The following AUTS2 variants were observed in gnomAD, a reference collection of about 807,000 sequenced individuals.
AUTS2 encodes the protein autism susceptibility gene 2 protein.
In AUTS2, 17 loss-of-function variants were observed where a neutral mutation model predicts 112.4. The observed-to-expected ratio is 0.15, with a 90% CI of 0.10 to 0.23. AUTS2 has a LOEUF of 0.23. Among genes scored for constraint, AUTS2 ranks in the 10% least tolerant of loss-of-function variants. The probability of loss-of-function intolerance (pLI) is 1.00; values close to 1 mark genes in which losing one functional copy is unlikely to be tolerated. For synonymous variants in AUTS2, 751 were observed against 702.7 expected (o/e 1.07, Z -1.09); for missense variants, 1,510 against 1,701.6 (o/e 0.89, Z 1.98).
At chr7:69,795,814 A>G (rs78896819) in intron 1 of AUTS2, among the ~76,000 whole-genome samples, 1 of 152,208 alleles carries the variant, frequency 6.6e-6, no homozygotes, top group Non-Finnish European at 1.5e-5. Context: ...TGCTGGGTAC[A>G]GGAGGCAGAA....
chr7:70,237,263 A>G (rs1366386491), intron 4 of AUTS2, among the ~76,000 whole-genome samples: 1 of 152,218 alleles, frequency 6.6e-6, no homozygotes, highest in East Asian at 1.9e-4. Flanking sequence ...TGAACCTTGC[A>G]TCTCCTAGTT....
chr7:70,678,739 C>G lies in AUTS2; in HGVS notation c.691-19830C>G, dbSNP rs944382850. Among the ~76,000 whole-genome samples, 6 of 152,174 alleles carry G rather than the reference C, an allele frequency of 3.9e-5. No individual in the cohort carries two copies. The East Asian group carries it at 1.2e-3, about 29-fold the overall frequency. ...AGGCTCACCACCAAAGCAGGCCTTC[C>G]TTTTTCCCTTAGTCTAAATTTTATT... On this transcript the variant is annotated intron_variant, in intron 5 of 18. Transcript: ENST00000342771.
intron 5 of AUTS2, among the ~76,000 whole-genome samples, chr7:70,638,834 C>T (rs1391476835): frequency 6.6e-6 from 1 of 152,136 alleles, no homozygotes; most frequent in Non-Finnish European, 1.5e-5. Context: ...GCTTAAATCT[C>T]GGTCCATTGT....
chr7:69,793,423 A>G (rs1789704566), intron 1 of AUTS2, among the ~76,000 whole-genome samples: 1 of 152,224 alleles, frequency 6.6e-6, no homozygotes, highest in Non-Finnish European at 1.5e-5. Flanking sequence ...TTCTCCATCT[A>G]TCCTGTCTTT....
intron 2 of AUTS2, among the ~76,000 whole-genome samples, chr7:69,993,007 G>A (rs940545732): frequency 1.3e-5 from 2 of 152,168 alleles, no homozygotes; most frequent in African/African-American, 4.8e-5. Context: ...AATATTATTG[G>A]TTTAAGAGTC....
chr7:70,004,648 C>G (rs1799459160), intron 2 of AUTS2, among the ~76,000 whole-genome samples: 1 of 150,886 alleles, frequency 6.6e-6, no homozygotes, highest in African/African-American at 2.4e-5. Context: ...TGAGTTTTGG[C>G]CGACTTAGAG....
At chr7:70,525,169 T>G (rs1453648527) in intron 5 of AUTS2, among the ~76,000 whole-genome samples, 1 of 152,218 alleles carries the variant, frequency 6.6e-6, no homozygotes, top group Non-Finnish European at 1.5e-5. Flanking sequence ...GGGCCTTACC[T>G]TCCTCCTGAG....
intron 6 of AUTS2, among the ~76,000 whole-genome samples, chr7:70,734,068 C>T (rs955315632): frequency 3.3e-5 from 5 of 152,196 alleles, no homozygotes; most frequent in Admixed American, 2.0e-4. Flanking sequence ...AGAGCAAGGG[C>T]CTTGATTCTC....
intron 3 of AUTS2, among the ~76,000 whole-genome samples, chr7:70,121,741 A>G (rs1805692135): frequency 6.6e-6 from 1 of 152,194 alleles, no homozygotes; most frequent in African/African-American, 2.4e-5. Flanking sequence ...GGAATGTAAA[A>G]TGACGCAGCC....
intron 6 of AUTS2, among the ~76,000 whole-genome samples, chr7:70,761,799 G>C (rs1585643499): frequency 1.3e-5 from 2 of 152,186 alleles, no homozygotes; most frequent in East Asian, 3.9e-4. Flanking sequence ...CACGATTGTA[G>C]AATTTCACTT....
intron 1 of AUTS2, among the ~76,000 whole-genome samples, chr7:69,612,977 G>A (rs1357657920): frequency 6.6e-6 from 1 of 152,038 alleles, no homozygotes; most frequent in Non-Finnish European, 1.5e-5. Context: ...TTTACTATTC[G>A]CCTTGTGCCA....
chr7:70,508,882 A>G (rs1245028935), intron 5 of AUTS2, among the ~76,000 whole-genome samples: 1 of 152,246 alleles, frequency 6.6e-6, no homozygotes, highest in Non-Finnish European at 1.5e-5. Flanking sequence ...ATTTAAAGCA[A>G]GGAAGACCCT....
chr7:70,350,682 T>A (rs1791709027), intron 4 of AUTS2, among the ~76,000 whole-genome samples: 1 of 152,144 alleles, frequency 6.6e-6, no homozygotes, highest in Non-Finnish European at 1.5e-5. Context: ...CCAAACCATA[T>A]CAACAGGGAA....
At chr7:70,322,189 T>C (rs1381810055) in intron 4 of AUTS2, among the ~76,000 whole-genome samples, 1 of 152,140 alleles carries the variant, frequency 6.6e-6, no homozygotes, top group Non-Finnish European at 1.5e-5. Flanking sequence ...AAAAATAAAA[T>C]TCTTTATAGG....
At chr7:70,718,433 C>T (rs777442664) in intron 6 of AUTS2, among the ~76,000 whole-genome samples, 19 of 152,140 alleles carry the variant, frequency 1.2e-4, no homozygotes, top group Non-Finnish European at 1.8e-4. Flanking sequence ...GAGCCTGGGG[C>T]GGGCGGATCA....
At chr7:70,676,606 C>T (rs541315831) in intron 5 of AUTS2, among the ~76,000 whole-genome samples, 169 of 151,728 alleles carry the variant, frequency 1.1e-3, no homozygotes, top group Non-Finnish European at 2.0e-3. Flanking sequence ...GCCGGGTGCG[C>T]TGGCTTATGC....
intron 5 of AUTS2, among the ~76,000 whole-genome samples, chr7:70,597,308 A>G (rs540288376): frequency 4.1e-4 from 62 of 152,250 alleles, no homozygotes; most frequent in Non-Finnish European, 6.0e-4. Context: ...TAGAGATACC[A>G]GAGCTCCCTC....
At position 70,654,302 on chromosome 7, in the gene AUTS2, G is replaced by C. The variant is rs950350278; in HGVS notation, c.691-44267G>C. ...TAGTAAATATTTGAGGGCTTTTGAG[G>C]GCCATACAGTCTCTGTAGCAACTAC... On this transcript the variant is annotated intron_variant, in intron 5 of 18. Coordinates refer to ENST00000342771, the MANE Select transcript of AUTS2 (RefSeq NM_015570.4). Among the ~76,000 whole-genome samples, 5 of 152,106 alleles carry C rather than the reference G, an allele frequency of 3.3e-5. No homozygotes were observed. In the South Asian group the frequency reaches 1.0e-3, roughly 32 times the overall value.
intron 2 of AUTS2, among the ~76,000 whole-genome samples, chr7:69,959,946 C>T (rs1437166934): frequency 1.3e-5 from 2 of 152,054 alleles, no homozygotes; most frequent in Non-Finnish European, 2.9e-5. Context: ...AGTATGGCTG[C>T]TATAGTCAGG....
Sources: gnomAD v4.1 joint callset for allele counts (sites outside exome capture counted in the v4.1 genomes callset) on GRCh38, gnomAD v4.1.1 for gene constraint, MANE v1.5 for transcripts, NCBI Gene and HGNC (gene_info 2026-07-23, HGNC 2026-07-21) for gene names.